The following CSMD1 variants were observed in gnomAD, a reference collection of about 807,000 sequenced individuals.
CSMD1 encodes the protein CUB and Sushi multiple domains 1, also known as CUB and sushi domain-containing protein 1.
A neutral mutation model predicts 417.5 loss-of-function variants in CSMD1; 213 were observed. That is an observed-to-expected ratio of 0.51 (90% CI 0.46 to 0.57). The LOEUF is 0.57. Ranked by LOEUF, CSMD1 falls within the 20% of genes least tolerant of loss-of-function variation. CSMD1 has a pLI of 0.00. For missense variants in CSMD1, 6,923 were observed against 4,529.7 expected (o/e 1.53, Z -15.17); for synonymous variants, 2,862 against 1,736.8 (o/e 1.65, Z -16.11).
chr8:4,442,777 C>A (rs532325716), intron 2 of CSMD1, among the ~76,000 whole-genome samples: 268 of 152,270 alleles, frequency 1.8e-3, no homozygotes, highest in African/African-American at 6.2e-3. Context: ...CAGTAATGGT[C>A]TGTGATAACT....
At chr8:3,438,941 C>T (rs947940027) in intron 12 of CSMD1, among the ~76,000 whole-genome samples, 1 of 150,848 alleles carries the variant, frequency 6.6e-6, no homozygotes, top group Non-Finnish European at 1.5e-5. Context: ...CCTGGTGAAA[C>T]CTCATCTCTA....
intron 3 of CSMD1, among the ~76,000 whole-genome samples, chr8:4,039,050 ATAC>A (rs1475163977): frequency 5.9e-5 from 6 of 101,446 alleles, no homozygotes; most frequent in African/African-American, 1.5e-4. Flanking sequence ...TGAAAGCATG[ATAC>A]TACAATACAA....
At chr8:3,148,518 C>T (rs1033415957) in intron 40 of CSMD1, among the ~76,000 whole-genome samples, 5 of 152,244 alleles carry the variant, frequency 3.3e-5, no homozygotes, top group South Asian at 4.2e-4. Flanking sequence ...AGACTCATGA[C>T]GCTGCTTTAA....
At chr8:3,605,079 C>T (rs1584950151) in intron 8 of CSMD1, among the ~76,000 whole-genome samples, 1 of 152,192 alleles carries the variant, frequency 6.6e-6, no homozygotes, top group African/African-American at 2.4e-5. Flanking sequence ...ACTGCAACCT[C>T]AGCCTCCCAG....
chr8:3,256,309 G>GT (rs1554487804), intron 26 of CSMD1, among the ~76,000 whole-genome samples: 1 of 81,442 alleles, frequency 1.2e-5, no homozygotes, highest in Admixed American at 1.2e-4. Flanking sequence ...TAAGTCTCAA[G>GT]AAAAAAAAAA....
At chr8:3,970,198 C>A (rs79305868) in intron 5 of CSMD1, among the ~76,000 whole-genome samples, 1 of 151,834 alleles carries the variant, frequency 6.6e-6, no homozygotes, top group African/African-American at 2.4e-5. Flanking sequence ...AAGGGACTTT[C>A]TTTTACAAAC....
intron 12 of CSMD1, among the ~76,000 whole-genome samples, chr8:3,464,934 A>G (rs1242321611): frequency 6.6e-6 from 1 of 152,094 alleles, no homozygotes; most frequent in African/African-American, 2.4e-5. Context: ...TTTTTTCCCC[A>G]TAATTTGCTT....
chr8:3,501,548 C>A (rs1796601327), intron 10 of CSMD1, among the ~76,000 whole-genome samples: 1 of 152,116 alleles, frequency 6.6e-6, no homozygotes, highest in African/African-American at 2.4e-5. Context: ...TAATTAATAA[C>A]TGTAGGTTTG....
At chr8:3,261,347 G>A (rs1026740558) in intron 26 of CSMD1, among the ~76,000 whole-genome samples, 1 of 152,022 alleles carries the variant, frequency 6.6e-6, no homozygotes, top group Non-Finnish European at 1.5e-5. Context: ...TTGCATTCTT[G>A]GGCATTTATC....
At chr8:3,864,238 C>G (rs573836093) in intron 5 of CSMD1, among the ~76,000 whole-genome samples, 2 of 152,256 alleles carry the variant, frequency 1.3e-5, no homozygotes, top group East Asian at 3.9e-4. Context: ...AACCCATAGA[C>G]TGTTGTTAAA....
intron 29 of CSMD1, among the ~76,000 whole-genome samples, chr8:3,217,310 C>T (rs139767958): frequency 3.5e-4 from 53 of 152,350 alleles, no homozygotes; most frequent in African/African-American, 1.1e-3. Context: ...TCAGGAACTA[C>T]AGCCTCCAGT....
At chr8:2,945,053 T>C in intron 68 of CSMD1, among the ~76,000 whole-genome samples, 1 of 149,070 alleles carries the variant, frequency 6.7e-6, no homozygotes, top group Admixed American at 6.6e-5. Flanking sequence ...TTTCAGTTAC[T>C]TGCCTTGTTT....
intron 60 of CSMD1, 72 bp from the exon 61 acceptor site, chr8:2,962,711 C>A (rs987936244): frequency 2.6e-5 from 38 of 1,461,500 alleles, no homozygotes; most frequent in Non-Finnish European, 2.4e-5. Context: ...AGCTTGGTAA[C>A]TAGTTTCTGT....
intron 1 of CSMD1, among the ~76,000 whole-genome samples, chr8:4,914,940 A>AATG (rs921545505): frequency 3.3e-5 from 5 of 152,130 alleles, no homozygotes; most frequent in Admixed American, 1.3e-4. Flanking sequence ...ATCCAAAGAA[A>AATG]ATGATGATGA....
intron 2 of CSMD1, among the ~76,000 whole-genome samples, chr8:4,470,412 A>G (rs1800459358): frequency 1.3e-5 from 2 of 152,096 alleles, no homozygotes; most frequent in South Asian, 2.1e-4. Context: ...TCACCTGACA[A>G]TTTCTTCACA....
chr8:3,558,307 A>T (rs1450931433), intron 10 of CSMD1, among the ~76,000 whole-genome samples: 1 of 137,036 alleles, frequency 7.3e-6, no homozygotes, highest in Non-Finnish European at 1.6e-5. Flanking sequence ...CTCCGTGTTC[A>T]CTCCTCCAAT....
At position 3,026,739 on chromosome 8, in the gene CSMD1, C is replaced by T. The variant is rs570645890; in HGVS notation, c.7855+2580G>A. ...CTGGGCCGTAGCGAATCTGTGTTAT[C>T]ATGAGGCCCTTAGCACGTGGTGACT... On this transcript the variant is annotated intron_variant, in intron 51 of 69. Transcript: ENST00000635120. 5.7e-4 allele frequency among the ~76,000 whole-genome samples: 87 copies of T among 152,374 alleles called. 1 individual carries two copies. The South Asian group carries it at 0.018, about 31-fold the overall frequency.
At chr8:3,818,561 A>G (rs1428215851) in intron 5 of CSMD1, among the ~76,000 whole-genome samples, 1 of 152,170 alleles carries the variant, frequency 6.6e-6, no homozygotes, top group African/African-American at 2.4e-5. Flanking sequence ...ACTAGCCAGC[A>G]TGAAGACGTG....
chr8:4,741,486 A>G (rs1324215249), intron 1 of CSMD1, among the ~76,000 whole-genome samples: 2 of 152,214 alleles, frequency 1.3e-5, no homozygotes, highest in African/African-American at 4.8e-5. Flanking sequence ...ACATACACAA[A>G]TATTATAGTA....
Sources: allele counts gnomAD v4.1 joint callset (sites outside exome capture counted in the v4.1 genomes callset), GRCh38; gene constraint gnomAD v4.1.1; transcripts MANE v1.5; gene names NCBI Gene and HGNC (gene_info 2026-07-23, HGNC 2026-07-21).